The following PIK3C2G variants were observed in gnomAD, a reference collection of about 807,000 sequenced individuals.
The protein encoded by PIK3C2G is phosphatidylinositol-4-phosphate 3-kinase catalytic subunit type 2 gamma, also known as phosphatidylinositol 3-kinase C2 domain-containing subunit gamma.
In PIK3C2G, 168 loss-of-function variants were observed where a neutral mutation model predicts 181.1. That is an observed-to-expected ratio of 0.93 (90% CI 0.82 to 1.05). PIK3C2G has a LOEUF of 1.05. Ranked by LOEUF, PIK3C2G falls within the 50% of genes least tolerant of loss-of-function variation. The pLI is 0.00. For missense variants in PIK3C2G, 1,869 were observed against 1,732.8 expected (o/e 1.08, Z -1.40); for synonymous variants, 573 against 592.2 (o/e 0.97, Z 0.47).
intron 6 of PIK3C2G, among the ~76,000 whole-genome samples, chr12:18,315,438 G>A (rs1950818795): frequency 6.6e-6 from 1 of 152,086 alleles, no homozygotes. Context: ...ATTGGAGCAT[G>A]GGGGAAGAAG....
intron 21 of PIK3C2G, 39 bp from the exon 22 acceptor site, chr12:18,497,580 C>G: frequency 6.4e-7 from 1 of 1,562,084 alleles, no homozygotes; most frequent in Non-Finnish European, 8.7e-7. Flanking sequence ...TTAACAAATT[C>G]AAGGAAAAAC....
At chr12:18,512,331 C>T (rs997376543) in intron 24 of PIK3C2G, among the ~76,000 whole-genome samples, 1 of 151,426 alleles carries the variant, frequency 6.6e-6, no homozygotes, top group African/African-American at 2.4e-5. Context: ...GATTGTTTGT[C>T]CATTTGTGTG....
At chr12:18,650,325 C>A (rs200949524), downstream of PIK3C2G, among the ~76,000 whole-genome samples, 11,375 of 72,644 alleles carry the variant, frequency 0.16, 736 homozygotes, top group Non-Finnish European at 0.18. Flanking sequence ...CTCTCTCTCT[C>A]TCTCTCTATA....
intron 12 of PIK3C2G, among the ~76,000 whole-genome samples, chr12:18,366,519 G>A (rs1265099201): frequency 6.6e-6 from 1 of 152,088 alleles, no homozygotes; most frequent in Non-Finnish European, 1.5e-5. Context: ...AACAGAGTGA[G>A]ATTCTGTCTC....
intron 25 of PIK3C2G, among the ~76,000 whole-genome samples, chr12:18,542,254 C>T (rs1191766662): frequency 6.6e-6 from 1 of 151,776 alleles, no homozygotes; most frequent in Non-Finnish European, 1.5e-5. Flanking sequence ...CCTCTTAGTA[C>T]AGAACTAGTA....
At chr12:18,371,508 T>G (rs1414143983) in intron 13 of PIK3C2G, among the ~76,000 whole-genome samples, 197 bp downstream of exon 13, 1 of 152,178 alleles carries the variant, frequency 6.6e-6, no homozygotes, top group Admixed American at 6.5e-5. Flanking sequence ...ACAGGACTCA[T>G]GCTGAACTTG....
chr12:18,335,581 TACTC>T (rs1938455173), intron 8 of PIK3C2G, among the ~76,000 whole-genome samples: 1 of 152,086 alleles, frequency 6.6e-6, no homozygotes, highest in Non-Finnish European at 1.5e-5. Context: ...TATCAAAAAA[TACTC>T]ACATCACAAT....
chr12:18,294,061 TAA>T, intron 5 of PIK3C2G, 46 bp downstream of exon 5: 1 of 814,778 alleles, frequency 1.2e-6, no homozygotes, highest in Non-Finnish European at 2.1e-6. Flanking sequence ...CTGTAAATAT[TAA>T]GTTACCACTT....
upstream of PIK3C2G, among the ~76,000 whole-genome samples, chr12:18,260,179 T>C (rs1232660555): frequency 2.0e-5 from 3 of 152,132 alleles, no homozygotes; most frequent in African/African-American, 7.2e-5. Context: ...GAAAAATGTA[T>C]GAGCCTACTT....
At chr12:18,366,739 TA>T (rs34619971) in intron 12 of PIK3C2G, among the ~76,000 whole-genome samples, 103 of 146,444 alleles carry the variant, frequency 7.0e-4, no homozygotes, top group Admixed American at 1.0e-3. Flanking sequence ...TTCCTTGGTT[TA>T]AAAAAAAAAA....
intron 31 of PIK3C2G, among the ~76,000 whole-genome samples, chr12:18,633,830 T>A (rs1949470333): frequency 6.6e-6 from 1 of 152,162 alleles, no homozygotes; most frequent in Non-Finnish European, 1.5e-5. Flanking sequence ...GAAACGTTCC[T>A]CTCTGTTTTT....
chr12:18,575,215 G>A (rs1946171548), intron 29 of PIK3C2G, among the ~76,000 whole-genome samples: 1 of 152,054 alleles, frequency 6.6e-6, no homozygotes, highest in African/African-American at 2.4e-5. Context: ...GAAAACAAGT[G>A]GTTCTCAAAT....
Position 18,488,589 on chromosome 12 carries a change from T to G in PIK3C2G, c.2645T>G (p.Ile882Ser). Residue 882 changes from isoleucine to serine, a missense_variant, in exon 19 of 33, where the codon ATT (isoleucine) becomes AGT (serine). By Grantham distance (142) the Ile-to-Ser change is moderately radical. Transcript: ENST00000538779. ...AAACTTATCAAAATTCTGGGAGATA[T>G]TGGGGAAAGAGTCAAGTCTGCCAGT... ...EQKLIKILGD[I>S]GERVKSASDH... is the part of the protein sequence containing the mutation. 6.4e-7 allele frequency: 1 copy of G among 1,570,606 alleles called. No homozygotes were observed. Among genetic ancestry groups the G allele is most frequent in the African/African-American group, 1.4e-5 (1 of 72,844 alleles).
intron 28 of PIK3C2G, among the ~76,000 whole-genome samples, chr12:18,566,019 A>C (rs988529424): frequency 6.6e-6 from 1 of 152,130 alleles, no homozygotes; most frequent in African/African-American, 2.4e-5. Flanking sequence ...TTCATGATTA[A>C]ATTTGGATAA....
chr12:18,546,290 C>G lies in PIK3C2G; in HGVS notation c.3481-33C>G, dbSNP rs375018191. ...ATTGTATCTGCATTTATTCTGTCTT[C>G]TTTTTGCTTTGCTTGTTCTTGTTGT... On this transcript the variant is annotated intron_variant, in intron 25 of 32. Coordinates refer to ENST00000538779, the MANE Select transcript of PIK3C2G (RefSeq NM_001288772.2). 1.2e-5 allele frequency: 15 copies of G among 1,245,798 alleles called. No individual in the cohort carries two copies. The African/African-American group carries it at 2.1e-4, about 17-fold the overall frequency. The allele number at this position is 1,245,798 out of a possible 1,614,324, so 77.2% of individuals were successfully genotyped here. A position where few individuals can be genotyped will look rare whatever the true frequency, so the allele number is the denominator to read the frequency against.
Position 18,418,594 on chromosome 12 carries a change from G to A in PIK3C2G, c.2316-2347G>A, listed in dbSNP as rs201009834. On this transcript the variant is annotated intron_variant, in intron 16 of 32. Transcript: ENST00000538779. ...ATTACTATTAAAAATGTTAGTATTA[G>A]CATGAGGTAATTATGGCCTAGAGTA... Among the ~76,000 whole-genome samples the A allele has an allele frequency of 5.9e-5, 9 of 152,204 alleles. No homozygotes were observed. The East Asian group carries it at 1.7e-3, about 29-fold the overall frequency.
At chr12:18,342,442 A>G (rs964444843) in intron 9 of PIK3C2G, among the ~76,000 whole-genome samples, 11 of 152,032 alleles carry the variant, frequency 7.2e-5, no homozygotes, top group Admixed American at 7.2e-4. Context: ...TGTTTGAGAA[A>G]CCTGGCTTTT....
At chr12:18,665,163 TAAA>T in the PIK3C2G span, among the ~76,000 whole-genome samples, 9 of 148,626 alleles carry the variant, frequency 6.1e-5, no homozygotes, top group African/African-American at 2.2e-4. Context: ...ATAATAATAA[TAAA>T]AAATAAAAAA....
chr12:18,364,149 T>C (rs1941470807), intron 12 of PIK3C2G, among the ~76,000 whole-genome samples: 1 of 152,206 alleles, frequency 6.6e-6, no homozygotes, highest in African/African-American at 2.4e-5. Flanking sequence ...CCGTTCTTGC[T>C]ATCCACCAGT....
Sources: gnomAD v4.1 joint callset for allele counts (sites outside exome capture counted in the v4.1 genomes callset) on GRCh38, gnomAD v4.1.1 for gene constraint, MANE v1.5 for transcripts, NCBI Gene and HGNC (gene_info 2026-07-23, HGNC 2026-07-21) for gene names.